Variants in PRRC2C observed in about 807,000 individuals in gnomAD.
PRRC2C encodes proline rich coiled-coil 2C.
In PRRC2C, 72 loss-of-function variants were observed where a neutral mutation model predicts 317.2. The observed-to-expected ratio is 0.23, with a 90% CI of 0.19 to 0.28. The LOEUF (loss-of-function observed/expected upper bound fraction) is 0.28, where lower values mean the gene tolerates loss of function less well. Among genes scored for constraint, PRRC2C ranks in the 10% least tolerant of loss-of-function variants. The pLI is 1.00. For synonymous variants in PRRC2C, 1,296 were observed against 1,205.9 expected (o/e 1.07, Z -1.55); for missense variants, 3,074 against 3,459.7 (o/e 0.89, Z 2.80).
At chr1:171,549,442 A>G (rs1280942951) in intron 17 of PRRC2C, among the ~76,000 whole-genome samples, 2 of 152,222 alleles carry the variant, frequency 1.3e-5, no homozygotes, top group Non-Finnish European at 2.9e-5. Context: ...AAAGCACTAT[A>G]CAGTCTGAGG....
Position 171,519,273 on chromosome 1 carries a change from GAGA to G in PRRC2C, c.750+1462_750+1464del, listed in dbSNP as rs548452915. Among the ~76,000 whole-genome samples the G allele has an allele frequency of 2.8e-4, 42 of 152,314 alleles. No homozygotes were observed. In the South Asian group the frequency reaches 8.1e-3, roughly 29 times the overall value. On this transcript the variant is annotated intron_variant, in intron 6 of 34. Coordinates refer to ENST00000647382, the MANE Select transcript of PRRC2C (RefSeq NM_001387844.1). ...CTATTTTAAAGGATAAAGACTTGGG[GAGA>G]AGGTTTGCAATGCTGTTATACATAA...
At chr1:171,565,647 C>A (rs368220040) in intron 20 of PRRC2C, among the ~76,000 whole-genome samples, 2 of 152,258 alleles carry the variant, frequency 1.3e-5, no homozygotes, top group South Asian at 2.1e-4. Flanking sequence ...AGAGTTTCAC[C>A]ATGTTGGTCA....
intron 3 of PRRC2C, among the ~76,000 whole-genome samples, chr1:171,513,999 A>G (rs1186264296): frequency 6.6e-6 from 1 of 152,208 alleles, no homozygotes; most frequent in African/African-American, 2.4e-5. Context: ...CATTACAAGA[A>G]TTGAATAAAA....
chr1:171,540,622 TGAAAAGACG>T lies in PRRC2C; in HGVS notation c.3164_3172del (p.Thr1055_Lys1057del), dbSNP rs1557953602. The stretch of plus-strand genomic sequence containing the variant: ...TCACTGAAAAAGTAGTTGTAAAGCC[TGAAAAGACG>T]GAAAAGAAGGATCTTCCTCCTCCCC... On this transcript the variant is annotated inframe_deletion, in exon 16 of 35. Coordinates refer to ENST00000647382, the MANE Select transcript of PRRC2C (RefSeq NM_001387844.1). 3 of 1,613,890 alleles carry T rather than the reference TGAAAAGACG, an allele frequency of 1.9e-6. No homozygotes were observed. The highest frequency in any genetic ancestry group is 2.5e-6 in the Non-Finnish European group (3 of 1,179,880).
chr1:171,559,511 T>TTG lies in PRRC2C; in HGVS notation c.6031+1369_6031+1370insGT, dbSNP rs1682188985. 4.8e-4 allele frequency among the ~76,000 whole-genome samples: 3 copies of TTG among 6,198 alleles called. 1 individual carries two copies. Among genetic ancestry groups the TTG allele is most frequent in the East Asian group, 9.3e-3 (1 of 108 alleles). 4.1% of individuals were successfully genotyped at this position (6,198 alleles called of 152,430 possible). A position where few individuals can be genotyped will look rare whatever the true frequency, so the allele number is the denominator to read the frequency against. ...TTACAAAATGGCATACCAAGTTTGT[T>TTG]TTTTTTTTTTTTTTTTTTTTTTTTT... On this transcript the variant is annotated intron_variant, in intron 19 of 34. Coordinates refer to ENST00000647382, the MANE Select transcript of PRRC2C (RefSeq NM_001387844.1).
rs1357514717 is a variant in PRRC2C, at chr1:171,575,107, A to G, written c.6934A>G (p.Thr2312Ala). 3 of 1,612,964 alleles carry G rather than the reference A, an allele frequency of 1.9e-6. No individual in the cohort carries two copies. The highest frequency in any genetic ancestry group is 1.7e-6 in the Non-Finnish European group (2 of 1,179,552). The change falls in exon 25 of 35, where the codon ACT (threonine) becomes GCT (alanine). Residue 2312 changes from threonine to alanine, a missense_variant. Around this residue, in one of 11 missense-constraint regions of PRRC2C, gnomAD observed 490 missense variants for 663.1 expected, o/e 0.74. Coordinates refer to ENST00000647382, the MANE Select transcript of PRRC2C (RefSeq NM_001387844.1). Reference protein sequence around the residue: ...SMPQIPVASVTPTASLSGAGT... With the variant: ...SMPQIPVASVAPTASLSGAGT... ...GCCCCAGATTCCTGTTGCTTCAGTC[A>G]CTCCTACAGCATCACTATCAGGTAG...
chr1:171,535,652 G>C, intron 13 of PRRC2C, 55 bp downstream of exon 13: 1 of 1,543,500 alleles, frequency 6.5e-7, no homozygotes, highest in Non-Finnish European at 8.8e-7. Context: ...TTATTATGCA[G>C]TAGTCTGGGA....
chr1:171,557,736 C>T lies in PRRC2C; in HGVS notation c.5624C>T (p.Ala1875Val). The stretch of plus-strand genomic sequence containing the variant: ...GCTTCAGCCCTAGCATCAACTTCAG[C>T]TCCAACGCCAGCCCCAGCAGCCTCT... Reference protein sequence around the residue: ...ILASALASTSAPTPAPAASSP... With the variant: ...ILASALASTSVPTPAPAASSP... Residue 1875 changes from alanine to valine, a missense_variant, in exon 19 of 35, where the codon GCT becomes GTT. By Grantham distance (64) the Ala-to-Val change is moderately conservative. Around this residue, in one of 11 missense-constraint regions of PRRC2C, gnomAD observed 640 missense variants for 676.1 expected, o/e 0.95. Transcript: ENST00000647382. 1 of 1,551,546 alleles carries T rather than the reference C, an allele frequency of 6.4e-7. No individual in the cohort carries two copies. Among genetic ancestry groups the T allele is most frequent in the Non-Finnish European group, 8.7e-7 (1 of 1,146,928 alleles).
chr1:171,509,844 C>CTTTTTTTTTTTTTTTTTTTTTTTT, intron 1 of PRRC2C: 1 of 59,770 alleles, frequency 1.7e-5, no homozygotes, highest in Non-Finnish European at 2.9e-5. Flanking sequence ...AACATTGTTT[C>CTTTTTTTTTTTTTTTTTTTTTTTT]TTTTTTTTTT....
chr1:171,487,297 G>A (rs930553703), intron 1 of PRRC2C, among the ~76,000 whole-genome samples: 2 of 152,188 alleles, frequency 1.3e-5, no homozygotes, highest in African/African-American at 4.8e-5. Context: ...GTTATTGGTG[G>A]TATTGTGTAG....
In PRRC2C at chr1:171,557,450, C is replaced by A. The variant is rs1355806448; in HGVS notation, c.5338C>A (p.Pro1780Thr). The change falls in exon 19 of 35, where the codon CCA becomes ACA. Residue 1780 changes from proline (P) to threonine (T), a missense_variant. By Grantham distance (38) the Pro-to-Thr change is conservative (BLOSUM62 -1). Coordinates refer to ENST00000647382, the MANE Select transcript of PRRC2C (RefSeq NM_001387844.1). The stretch of plus-strand genomic sequence containing the variant: ...ACTTCCGGCAACCTTAACTCCAGTT[C>A]CAGCCTCAACCTCAGCTCCGGTTCC... ...APLPATLTPV[P>T]ASTSAPVPAS... 1 of 1,546,240 alleles carries A rather than the reference C, an allele frequency of 6.5e-7. No homozygotes were observed. The highest frequency in any genetic ancestry group is 8.7e-7 in the Non-Finnish European group (1 of 1,143,124).
chr1:171,582,781 CAGTG>C (rs1363963648), intron 28 of PRRC2C, among the ~76,000 whole-genome samples: 4 of 151,038 alleles, frequency 2.6e-5, no homozygotes, highest in East Asian at 3.9e-4. Context: ...GTAGGTGAGT[CAGTG>C]AGTGAGTGGC....
At position 171,497,981 on chromosome 1, in the gene PRRC2C, AT is replaced by A. The variant is rs60519098; in HGVS notation, c.-58+12270del. On this transcript the variant is annotated intron_variant, in intron 1 of 34. Coordinates refer to ENST00000647382, the MANE Select transcript of PRRC2C (RefSeq NM_001387844.1). ...AGGCATGAGCCACCATACCCAGCTA[AT>A]TTTTTTTTTTTTTTTTTTTTTTTAA... 6.9e-3 allele frequency among the ~76,000 whole-genome samples: 904 copies of A among 130,664 alleles called. 10 individuals are homozygous for A. Among genetic ancestry groups the A allele is most frequent in the African/African-American group, 0.017 (567 of 34,122 alleles). The allele number at this position is 130,664 out of a possible 152,430, so 85.7% of individuals were successfully genotyped here. A position where few individuals can be genotyped will look rare whatever the true frequency, so the allele number is the denominator to read the frequency against.
rs371897361 is a variant in PRRC2C, at chr1:171,542,042, G to C, written c.4576G>C (p.Val1526Leu). ...AAATGCTGACTTGAATGCACAAACA[G>C]TTGTAAAGGTTGGAGAGAATGTTCT... ...KKNADLNAQTVVKVGENVLPP... is the reference protein window; with the variant it reads ...KKNADLNAQTLVKVGENVLPP... Residue 1526 changes from valine (V) to leucine (L), a missense_variant, in exon 16 of 35, where the codon GTT (valine) becomes CTT (leucine). By Grantham distance (32) the Val-to-Leu change is conservative. Transcript: ENST00000647382. 3.7e-6 allele frequency: 6 copies of C among 1,613,916 alleles called. No homozygotes were observed. Among genetic ancestry groups the C allele is most frequent in the Non-Finnish European group, 5.1e-6 (6 of 1,179,876 alleles).
In PRRC2C at chr1:171,536,077, C is replaced by T; in HGVS notation, c.2092C>T (p.Leu698Phe). The change falls in exon 14 of 35, where the codon CTT (leucine) becomes TTT (phenylalanine). Residue 698 changes from leucine (L) to phenylalanine (F), a missense_variant. Leu to Phe is a conservative substitution (Grantham distance 22). Transcript: ENST00000647382. ...QWQQQQQQGV[L>F]PQTVPSQPSS... ...GCAGCAGCAGCAACAGCAAGGTGTA[C>T]TTCCACAGACTGTTCCTTCACAACC... 6.4e-7 allele frequency: 1 copy of T among 1,553,582 alleles called. No individual in the cohort carries two copies. The highest frequency in any genetic ancestry group is 1.2e-5 in the South Asian group (1 of 84,266).
In PRRC2C at chr1:171,521,372, C is replaced by T. The variant is rs180893220; in HGVS notation, c.751-805C>T. 1.1e-4 allele frequency among the ~76,000 whole-genome samples: 16 copies of T among 152,278 alleles called. No individual in the cohort carries two copies. The East Asian group carries it at 2.7e-3, about 26-fold the overall frequency. ...TGAATCCCTTGGTGTTATTTGTTCC[C>T]AGAATCTATCTTATGTCTTCTCTTA... On this transcript the variant is annotated intron_variant, in intron 6 of 34. Transcript: ENST00000647382.
At chr1:171,549,909 G>C (rs182609707) in intron 17 of PRRC2C, among the ~76,000 whole-genome samples, 177 bp from the exon 18 acceptor site, 1 of 151,508 alleles carries the variant, frequency 6.6e-6, no homozygotes, top group East Asian at 1.9e-4. Flanking sequence ...AATCTTTTCA[G>C]ATCTTTACAA....
intron 15 of PRRC2C, among the ~76,000 whole-genome samples, chr1:171,538,947 A>T (rs1430991211): frequency 6.8e-6 from 1 of 147,754 alleles, no homozygotes; most frequent in Non-Finnish European, 1.5e-5. Context: ...CTGGGGCCCT[A>T]GTGATCCTCC....
At position 171,539,752 on chromosome 1, in the gene PRRC2C, C is replaced by T. The variant is rs544229582; in HGVS notation, c.2505-219C>T. Reference sequence around the variant, plus strand: ...AATAATATTCTATTGTATGTGTATACCACATTTTCTTTATCCATTCAGCTA... The same window carrying T: ...AATAATATTCTATTGTATGTGTATATCACATTTTCTTTATCCATTCAGCTA... On this transcript the variant is annotated intron_variant, in intron 15 of 34. Transcript: ENST00000647382. 3.3e-5 allele frequency among the ~76,000 whole-genome samples: 5 copies of T among 152,284 alleles called. No individual in the cohort carries two copies. In the East Asian group the frequency reaches 9.6e-4, roughly 29 times the overall value.
Sources: gnomAD v4.1 joint callset for allele counts (sites outside exome capture counted in the v4.1 genomes callset) on GRCh38, gnomAD v4.1.1 for gene constraint, gnomAD v4.1.1 regional missense constraint, MANE v1.5 for transcripts, NCBI Gene and HGNC (gene_info 2026-07-23, HGNC 2026-07-21) for gene names.